The following CTNNA2 variants were observed in gnomAD, a reference collection of about 807,000 sequenced individuals.
CTNNA2 encodes the protein catenin alpha 2.
A neutral mutation model predicts 101.0 loss-of-function variants in CTNNA2; 42 were observed. That is an observed-to-expected ratio of 0.42 (90% CI 0.32 to 0.54). CTNNA2 has a LOEUF of 0.54. CTNNA2 is among the 20% of genes least tolerant of loss of function. The probability of loss-of-function intolerance (pLI) is 0.14; values close to 1 mark genes in which losing one functional copy is unlikely to be tolerated. For missense variants in CTNNA2, 871 were observed against 1,223.1 expected (o/e 0.71, Z 4.29); for synonymous variants, 450 against 456.4 (o/e 0.99, Z 0.18).
chr2:80,113,089 C>A (rs1006893800), intron 7 of CTNNA2, among the ~76,000 whole-genome samples: 1 of 152,114 alleles, frequency 6.6e-6, no homozygotes, highest in African/African-American at 2.4e-5. Flanking sequence ...CCTCTTCAGG[C>A]ATATTTCTGG....
rs1479149048 is a variant in CTNNA2, at chr2:79,911,317, G to A, written c.1056+1520G>A. 2.6e-5 allele frequency among the ~76,000 whole-genome samples: 4 copies of A among 152,224 alleles called. No homozygotes were observed. In the East Asian group the frequency reaches 5.8e-4, roughly 22 times the overall value. ...GGAATTTGGTTTTACATTAAGGCAC[G>A]CTAGTGGTTCTATTAATGAATAGTT... On this transcript the variant is annotated intron_variant, in intron 7 of 18. Transcript: ENST00000402739.
chr2:79,797,367 ATTGAGTGGC>A (rs1161947838), intron 3 of CTNNA2, among the ~76,000 whole-genome samples: 20 of 152,146 alleles, frequency 1.3e-4, no homozygotes, highest in Non-Finnish European at 1.0e-4. Context: ...CTTTCTTAAA[ATTGAGTGGC>A]TTGGCTGGGT....
At chr2:79,917,081 TTA>T (rs767251378) in intron 7 of CTNNA2, among the ~76,000 whole-genome samples, 1 of 129,248 alleles carries the variant, frequency 7.7e-6, no homozygotes, top group Non-Finnish European at 1.6e-5. Context: ...ATTTATTTAT[TTA>T]TTTTTTTGAG....
intron 7 of CTNNA2, among the ~76,000 whole-genome samples, chr2:79,930,536 T>C (rs916328763): frequency 3.9e-5 from 6 of 152,170 alleles, no homozygotes; most frequent in African/African-American, 1.4e-4. Context: ...TGCATTATGA[T>C]GCCTGGACGT....
At chr2:80,448,159 A>G (rs1683216199) in intron 9 of CTNNA2, among the ~76,000 whole-genome samples, 2 of 152,138 alleles carry the variant, frequency 1.3e-5, no homozygotes, top group South Asian at 2.1e-4. Context: ...TGGCCCAATC[A>G]CTGACGCCTT....
intron 1 of CTNNA2, among the ~76,000 whole-genome samples, chr2:79,636,293 A>G (rs1462111640): frequency 2.7e-5 from 4 of 146,464 alleles, no homozygotes; most frequent in Admixed American, 6.7e-5. Flanking sequence ...AAAAAAAAAA[A>G]AAAAAAGGAA....
At chr2:79,242,997 C>CACACACACACAT (rs1553385588) in intron 2 of CTNNA2, among the ~76,000 whole-genome samples, 2 of 95,936 alleles carry the variant, frequency 2.1e-5, no homozygotes, top group Admixed American at 1.1e-4. Flanking sequence ...TATATATACA[C>CACACACACACAT]ACACACACAC....
chr2:80,615,273 T>A (rs1698758784), intron 17 of CTNNA2, among the ~76,000 whole-genome samples: 1 of 151,534 alleles, frequency 6.6e-6, no homozygotes, highest in Non-Finnish European at 1.5e-5. Context: ...TTAAAATACA[T>A]CAGTTTCCAT....
chr2:79,350,713 A>G (rs1414626925), intron 3 of CTNNA2, among the ~76,000 whole-genome samples: 1 of 152,082 alleles, frequency 6.6e-6, no homozygotes, highest in Non-Finnish European at 1.5e-5. Flanking sequence ...AAATCTCCAT[A>G]CTGTTTTCCA....
intron 4 of CTNNA2, among the ~76,000 whole-genome samples, chr2:79,423,651 T>C (rs547434748): frequency 8.5e-5 from 13 of 152,288 alleles, no homozygotes; most frequent in African/African-American, 2.4e-4. Context: ...TCCCACTTTA[T>C]AGATTGTTTA....
At chr2:80,564,075 C>A (rs1435262741) in intron 12 of CTNNA2, among the ~76,000 whole-genome samples, 3 of 152,160 alleles carry the variant, frequency 2.0e-5, no homozygotes, top group African/African-American at 7.2e-5. Flanking sequence ...CATAATGACA[C>A]AGTTACCTTA....
chr2:80,448,242 A>G (rs1683221827), intron 9 of CTNNA2, among the ~76,000 whole-genome samples: 1 of 152,230 alleles, frequency 6.6e-6, no homozygotes, highest in Non-Finnish European at 1.5e-5. Flanking sequence ...CAACCATTTC[A>G]TTCAGCAGCC....
intron 7 of CTNNA2, among the ~76,000 whole-genome samples, chr2:80,100,448 C>G (rs1479951137): frequency 6.6e-6 from 1 of 152,186 alleles, no homozygotes; most frequent in East Asian, 1.9e-4. Flanking sequence ...TTAAGGTTCT[C>G]TCCAGCCACC....
intron 1 of CTNNA2, among the ~76,000 whole-genome samples, chr2:79,620,771 A>G (rs1678944257): frequency 6.6e-6 from 1 of 152,178 alleles, no homozygotes; most frequent in African/African-American, 2.4e-5. Context: ...ATAGGCAGCC[A>G]TAGATATGTA....
At chr2:79,877,634 A>T (rs1488531888) in intron 6 of CTNNA2, among the ~76,000 whole-genome samples, 4 of 152,170 alleles carry the variant, frequency 2.6e-5, no homozygotes, top group Non-Finnish European at 5.9e-5. Context: ...TATTAAACAA[A>T]TTGATATTTC....
chr2:79,512,562 T>G (rs1319762206), upstream of CTNNA2, among the ~76,000 whole-genome samples: 1 of 143,912 alleles, frequency 6.9e-6, no homozygotes, highest in African/African-American at 2.6e-5. Flanking sequence ...GCGACACCCC[T>G]ATCCCCCCCG....
intron 1 of CTNNA2, among the ~76,000 whole-genome samples, chr2:79,607,308 A>T (rs1677958355): frequency 6.6e-6 from 1 of 152,218 alleles, no homozygotes; most frequent in Non-Finnish European, 1.5e-5. Context: ...AATTTACATT[A>T]TAATCAGAAA....
intron 2 of CTNNA2, among the ~76,000 whole-genome samples, chr2:79,304,914 T>C (rs1050840601): frequency 3.3e-5 from 5 of 152,198 alleles, no homozygotes; most frequent in Non-Finnish European, 5.9e-5. Flanking sequence ...ACTGATCTTA[T>C]CCGCCATCCT....
intron 7 of CTNNA2, among the ~76,000 whole-genome samples, chr2:80,125,225 T>C (rs1702049031): frequency 1.3e-5 from 2 of 152,076 alleles, no homozygotes; most frequent in Non-Finnish European, 2.9e-5. Context: ...AGTGTGAAGT[T>C]AGTTACTCTG....
Sources: allele counts gnomAD v4.1 joint callset (sites outside exome capture counted in the v4.1 genomes callset), GRCh38; gene constraint gnomAD v4.1.1; transcripts MANE v1.5; gene names NCBI Gene and HGNC (gene_info 2026-07-23, HGNC 2026-07-21).